Variants in NPHP4 observed in about 807,000 individuals in gnomAD.
NPHP4 encodes the protein nephrocystin-4.
NPHP4 carries 151 observed loss-of-function variants against 155.8 expected under a neutral mutation model. That is an observed-to-expected ratio of 0.97 (90% CI 0.85 to 1.11). The LOEUF (loss-of-function observed/expected upper bound fraction) is 1.11. Ranked by LOEUF, NPHP4 falls within the 50% of genes least tolerant of loss-of-function variation. The pLI, the probability that NPHP4 is intolerant of heterozygous loss-of-function variation, is 0.00. For synonymous variants in NPHP4, 845 were observed against 816.8 expected, an observed-to-expected ratio of 1.03 and a Z score of -0.59; for missense variants, 1,956 against 1,925.7, an observed-to-expected ratio of 1.02 and a Z score of -0.29.
At chr1:5,881,590 T>C (rs1570200396) in intron 18 of NPHP4, 1 of 152,060 alleles carries the variant, frequency 6.6e-6, no homozygotes, top group South Asian at 2.1e-4. Context: ...CCCGATGTGG[T>C]GGTAGAGAGA....
chr1:5,867,459 G>C lies in NPHP4; in HGVS notation c.3472+281C>G. The stretch of plus-strand genomic sequence containing the variant: ...AAACACGCGGGCCGTCAGGTGAGGA[G>C]GTAGGTGTTCCTCCAGGCACACCTG... On this transcript the variant is annotated intron_variant, in intron 24 of 29. Transcript: ENST00000378156. The surrounding 1 kb of genome is among the most constrained non-coding windows in gnomAD (Gnocchi z 4.1). 3.6e-6 allele frequency: 2 copies of C among 561,236 alleles called. No individual in the cohort carries two copies. Among genetic ancestry groups the C allele is most frequent in the Non-Finnish European group, 3.2e-6 (1 of 313,894 alleles). The allele number at this position is 561,236 out of a possible 1,614,324, so 34.8% of individuals were successfully genotyped here. A position where few individuals can be genotyped will look rare whatever the true frequency, so the allele number is the denominator to read the frequency against.
At chr1:5,896,119 T>C (rs1379164402) in intron 16 of NPHP4, among the ~76,000 whole-genome samples, 2 of 152,042 alleles carry the variant, frequency 1.3e-5, no homozygotes, top group East Asian at 1.9e-4. Context: ...AAAAAACAAA[T>C]CAGTAAAAAC....
intron 1 of NPHP4, among the ~76,000 whole-genome samples, chr1:5,991,857 C>A (rs957089155): frequency 3.0e-4 from 45 of 147,588 alleles, no homozygotes; most frequent in Non-Finnish European, 5.4e-4. Flanking sequence ...CGGACTAGGG[C>A]GCGGGGAGCC....
intron 23 of NPHP4, among the ~76,000 whole-genome samples, chr1:5,869,154 A>G (rs1457692221): frequency 3.7e-5 from 5 of 134,082 alleles, no homozygotes; most frequent in African/African-American, 1.3e-4. Flanking sequence ...CCACACATGC[A>G]CACACACGCA....
chr1:5,919,467 T>C (rs1431850542), intron 11 of NPHP4, among the ~76,000 whole-genome samples: 2 of 152,186 alleles, frequency 1.3e-5, no homozygotes, highest in Non-Finnish European at 2.9e-5. Flanking sequence ...AGTTTGTTTA[T>C]TGTCTGTTTT....
At chr1:5,922,583 G>T (rs1250051487) in intron 11 of NPHP4, among the ~76,000 whole-genome samples, 4 of 152,094 alleles carry the variant, frequency 2.6e-5, no homozygotes, top group African/African-American at 7.2e-5. Context: ...CATTTTGGGA[G>T]GCCAAGGTGG....
At chr1:5,936,720 C>A (rs1018852376) in intron 9 of NPHP4, among the ~76,000 whole-genome samples, 2 of 152,218 alleles carry the variant, frequency 1.3e-5, no homozygotes, top group African/African-American at 4.8e-5. Context: ...CAAAGCCGCT[C>A]ACAGAAAACA....
chr1:5,901,042 A>AC (rs972248309), intron 16 of NPHP4, among the ~76,000 whole-genome samples: 1 of 151,546 alleles, frequency 6.6e-6, no homozygotes, highest in African/African-American at 2.4e-5. Context: ...CTCAAATAAA[A>AC]CCCAAAAAAA....
chr1:5,972,662 T>C (rs968733528), intron 3 of NPHP4, among the ~76,000 whole-genome samples: 11 of 152,122 alleles, frequency 7.2e-5, no homozygotes, highest in African/African-American at 2.4e-4. Context: ...ACTTAGGGGA[T>C]GCACACTCTT....
chr1:5,873,700 G>A, intron 22 of NPHP4: 1 of 349,714 alleles, frequency 2.9e-6, no homozygotes, highest in Non-Finnish European at 5.3e-6. Flanking sequence ...GACCCCAAAA[G>A]GTCAAAAGCT....
At position 5,864,324 on chromosome 1, in the gene NPHP4, C is replaced by A; in HGVS notation, c.3996+14G>T. The A allele has an allele frequency of 6.3e-7, 1 of 1,587,622 alleles. No homozygotes were observed. Among genetic ancestry groups the A allele is most frequent in the South Asian group, 1.1e-5 (1 of 88,180 alleles). ...CCCCCATCCCCTCAGCCTGTGCCTG[C>A]CACACATACAGACCTTGGAGATGAG... On this transcript the variant is annotated intron_variant, in intron 28 of 29. Coordinates refer to ENST00000378156, the MANE Select transcript of NPHP4 (RefSeq NM_015102.5).
intron 2 of NPHP4, among the ~76,000 whole-genome samples, chr1:5,983,307 T>C (rs749653678): frequency 7.2e-5 from 11 of 152,200 alleles, no homozygotes; most frequent in Non-Finnish European, 1.2e-4. Flanking sequence ...AGCTTAGAAG[T>C]CTGCCCTTTT....
Position 5,889,222 on chromosome 1 carries a change from C to T in NPHP4, c.2304+1646G>A, listed in dbSNP as rs1643985608. ...AGAAGGAAAAGCCACTGTAGTGACC[C>T]GCAACAGCAAGAGCTCAAACAAGAT... On this transcript the variant is annotated intron_variant, in intron 17 of 29. Transcript: ENST00000378156. The surrounding 1 kb of genome is among the most constrained non-coding windows in gnomAD (Gnocchi z 4.2). 6.6e-6 allele frequency among the ~76,000 whole-genome samples: 1 copy of T among 152,112 alleles called. No homozygotes were observed. Among genetic ancestry groups the T allele is most frequent in the Non-Finnish European group, 1.5e-5 (1 of 68,012 alleles).
intron 23 of NPHP4, among the ~76,000 whole-genome samples, chr1:5,869,151 T>C (rs1197921553): frequency 4.1e-5 from 5 of 122,666 alleles, no homozygotes; most frequent in Non-Finnish European, 6.8e-5. Flanking sequence ...CGCCCACACA[T>C]GCACACACAC....
intron 16 of NPHP4, among the ~76,000 whole-genome samples, chr1:5,897,674 G>A (rs1197881140): frequency 7.2e-5 from 11 of 152,160 alleles, no homozygotes; most frequent in Non-Finnish European, 1.6e-4. Flanking sequence ...AGGCGACTAC[G>A]AGATTAAAGT....
At chr1:5,879,798 AACACAC>A (rs1231853008) in intron 19 of NPHP4, among the ~76,000 whole-genome samples, 2 of 75,738 alleles carry the variant, frequency 2.6e-5, no homozygotes, top group Admixed American at 1.3e-4. Flanking sequence ...CACACACGCA[AACACAC>A]ACACACACGC....
intron 1 of NPHP4, among the ~76,000 whole-genome samples, chr1:5,988,842 T>A (rs1655852303): frequency 6.6e-6 from 1 of 151,784 alleles, no homozygotes; most frequent in Non-Finnish European, 1.5e-5. Context: ...AGACGCTGCA[T>A]CCTTGGCCCA....
chr1:5,866,175 G>A lies in NPHP4; in HGVS notation c.3644+198C>T, dbSNP rs149197960. ...GCATCCCAAGTCCCTCAGGCTGCACGTGCCCCTCCAAGGTGCCTTCCCTAG... is the reference window on the plus strand; with the variant it reads ...GCATCCCAAGTCCCTCAGGCTGCACATGCCCCTCCAAGGTGCCTTCCCTAG... On this transcript the variant is annotated intron_variant, in intron 26 of 29. Transcript: ENST00000378156. 348 of 602,944 alleles carry A rather than the reference G, an allele frequency of 5.8e-4. 1 individual carries two copies. Among genetic ancestry groups the A allele is most frequent in the Middle Eastern group, 2.2e-3 (5 of 2,288 alleles). The allele number at this position is 602,944 out of a possible 1,614,324, so 37.3% of individuals were successfully genotyped here.
chr1:5,983,203 A>G (rs371050864), intron 2 of NPHP4, among the ~76,000 whole-genome samples: 113 of 152,334 alleles, frequency 7.4e-4, no homozygotes, highest in African/African-American at 2.6e-3. Flanking sequence ...CATGATTATG[A>G]ATCTGAATAT....
Sources: allele counts gnomAD v4.1 joint callset (sites outside exome capture counted in the v4.1 genomes callset), GRCh38; gene constraint gnomAD v4.1.1; non-coding constraint Gnocchi (gnomAD v3.1); transcripts MANE v1.5; gene names NCBI Gene and HGNC (gene_info 2026-07-23, HGNC 2026-07-21).